Variants in DLG2 observed in about 807,000 individuals in gnomAD.
DLG2 encodes disks large homolog 2.
In DLG2, 45 loss-of-function variants were observed where a neutral mutation model predicts 132.5. That is an observed-to-expected ratio of 0.34 (90% CI 0.27 to 0.44). The LOEUF (loss-of-function observed/expected upper bound fraction) is 0.44. Among genes scored for constraint, DLG2 ranks in the 20% least tolerant of loss-of-function variants. The pLI is 1.00. For synonymous variants in DLG2, 424 were observed against 419.6 expected (o/e 1.01, Z -0.13); for missense variants, 1,045 against 1,196.9 (o/e 0.87, Z 1.87).
chr11:84,307,845 G>A (rs2098241460), intron 7 of DLG2, among the ~76,000 whole-genome samples: 2 of 151,744 alleles, frequency 1.3e-5, no homozygotes, highest in Admixed American at 1.3e-4. Context: ...CGCTGACTCA[G>A]GAGTGAAGCT....
At chr11:84,263,100 G>A (rs2097568596) in intron 7 of DLG2, among the ~76,000 whole-genome samples, 2 of 152,128 alleles carry the variant, frequency 1.3e-5, no homozygotes, top group African/African-American at 4.8e-5. Context: ...TAATTCAGCA[G>A]TTTACTGAGT....
At chr11:84,466,593 T>C (rs913625743) in intron 7 of DLG2, among the ~76,000 whole-genome samples, 1 of 151,506 alleles carries the variant, frequency 6.6e-6, no homozygotes, top group African/African-American at 2.4e-5. Context: ...TACTCTTTCA[T>C]GCTACAGGTT....
intron 21 of DLG2, among the ~76,000 whole-genome samples, chr11:83,528,178 G>A (rs545237360): frequency 2.0e-5 from 3 of 152,224 alleles, no homozygotes; most frequent in African/African-American, 7.2e-5. Flanking sequence ...TGACACAATA[G>A]CCCACTTTTC....
chr11:85,362,970 G>A (rs574477364), intron 3 of DLG2, among the ~76,000 whole-genome samples: 33 of 152,256 alleles, frequency 2.2e-4, no homozygotes, highest in South Asian at 1.5e-3. Context: ...GGTAGAGCTG[G>A]TTTAATGACA....
intron 5 of DLG2, among the ~76,000 whole-genome samples, chr11:85,129,412 C>A (rs1196582581): frequency 2.6e-5 from 4 of 152,156 alleles, no homozygotes; most frequent in Non-Finnish European, 5.9e-5. Context: ...TTTATCAGAG[C>A]ATTTACACAA....
intron 6 of DLG2, among the ~76,000 whole-genome samples, chr11:85,078,359 T>C (rs1030455869): frequency 6.6e-6 from 1 of 151,574 alleles, no homozygotes; most frequent in Non-Finnish European, 1.5e-5. Context: ...GAACTAGTTA[T>C]GTGAAAATCT....
chr11:83,966,074 T>G (rs1353551563), intron 12 of DLG2, among the ~76,000 whole-genome samples: 1 of 152,060 alleles, frequency 6.6e-6, no homozygotes, highest in East Asian at 1.9e-4. Flanking sequence ...AATGTTGCAC[T>G]AATCCTTTTT....
At chr11:84,031,623 C>T (rs537446859) in intron 11 of DLG2, among the ~76,000 whole-genome samples, 9 of 152,262 alleles carry the variant, frequency 5.9e-5, no homozygotes, top group African/African-American at 1.7e-4. Context: ...TGAAAGTTAA[C>T]GAATGGCAAC....
intron 4 of DLG2, among the ~76,000 whole-genome samples, chr11:85,259,807 A>T (rs537763229): frequency 3.9e-5 from 6 of 152,174 alleles, no homozygotes; most frequent in African/African-American, 1.4e-4. Flanking sequence ...TATTTTTTTC[A>T]GGCATATTTA....
chr11:85,368,603 G>A (rs1169077782), intron 3 of DLG2, among the ~76,000 whole-genome samples: 1 of 152,198 alleles, frequency 6.6e-6, no homozygotes, highest in Non-Finnish European at 1.5e-5. Flanking sequence ...AGAACGAGGT[G>A]TACTACCCAG....
chr11:83,893,233 C>T (rs2070510976), intron 15 of DLG2, among the ~76,000 whole-genome samples: 2 of 152,334 alleles, frequency 1.3e-5, no homozygotes, highest in South Asian at 4.1e-4. Context: ...TTCTCACTGA[C>T]CAAGATTGTT....
intron 12 of DLG2, among the ~76,000 whole-genome samples, chr11:83,972,565 A>G (rs1373260879): frequency 2.6e-5 from 4 of 152,144 alleles, no homozygotes; most frequent in African/African-American, 4.8e-5. Flanking sequence ...AACTGATTAG[A>G]TCATATTCAT....
At chr11:84,493,242 A>G (rs2099169919) in intron 7 of DLG2, among the ~76,000 whole-genome samples, 1 of 152,130 alleles carries the variant, frequency 6.6e-6, no homozygotes, top group Non-Finnish European at 1.5e-5. Context: ...TACTTTTGGC[A>G]GAGGCTCAGA....
At chr11:83,587,346 C>A (rs890918409) in intron 19 of DLG2, among the ~76,000 whole-genome samples, 3 of 151,996 alleles carry the variant, frequency 2.0e-5, no homozygotes, top group African/African-American at 7.3e-5. Flanking sequence ...TCTCAGCTCA[C>A]TGCAACCTCA....
intron 21 of DLG2, among the ~76,000 whole-genome samples, chr11:83,521,980 G>A (rs2095491797): frequency 6.6e-6 from 1 of 152,104 alleles, no homozygotes; most frequent in African/African-American, 2.4e-5. Flanking sequence ...CCAAAGAAGA[G>A]CCTCTTCAAA....
chr11:84,741,635 A>G (rs550543656), intron 6 of DLG2, among the ~76,000 whole-genome samples: 2 of 152,192 alleles, frequency 1.3e-5, no homozygotes, highest in South Asian at 2.1e-4. Context: ...TAATGCACCT[A>G]CTGAACCAAC....
chr11:83,587,022 G>C (rs1434038261), intron 19 of DLG2, among the ~76,000 whole-genome samples: 4 of 152,146 alleles, frequency 2.6e-5, no homozygotes, highest in Non-Finnish European at 5.9e-5. Flanking sequence ...TCTTCTTCTA[G>C]TTATGTGGCT....
At chr11:84,771,461 TG>T (rs2069378172) in intron 6 of DLG2, among the ~76,000 whole-genome samples, 1 of 152,394 alleles carries the variant, frequency 6.6e-6, no homozygotes, top group African/African-American at 2.4e-5. Context: ...TTAATGGGGT[TG>T]TTTTTTTCTT....
chr11:84,689,158 T>C (rs146848886), intron 6 of DLG2, among the ~76,000 whole-genome samples: 36 of 152,256 alleles, frequency 2.4e-4, no homozygotes, highest in African/African-American at 8.7e-4. Flanking sequence ...CTATACAGTT[T>C]TATCTCAAGA....
Sources: allele counts gnomAD v4.1 joint callset (sites outside exome capture counted in the v4.1 genomes callset), GRCh38; gene constraint gnomAD v4.1.1; transcripts MANE v1.5; gene names NCBI Gene and HGNC (gene_info 2026-07-23, HGNC 2026-07-21).